TXNRD2: variants seen among roughly 807,000 people sequenced by gnomAD.
The protein encoded by TXNRD2 is thioredoxin reductase 2.
In TXNRD2, 67 loss-of-function variants were observed where a neutral mutation model predicts 70.8. That is an observed-to-expected ratio of 0.95 (90% CI 0.78 to 1.16). TXNRD2 has a LOEUF of 1.16. Among genes scored for constraint, TXNRD2 ranks in the 50% most tolerant of loss-of-function variants. The pLI is 0.00. For missense variants in TXNRD2, 644 were observed against 719.9 expected (o/e 0.89, Z 1.21); for synonymous variants, 301 against 295.8 (o/e 1.02, Z -0.18).
At chr22:19,940,837 C>T (rs971390288) in intron 1 of TXNRD2, among the ~76,000 whole-genome samples, 6 of 152,136 alleles carry the variant, frequency 3.9e-5, no homozygotes, top group Non-Finnish European at 7.4e-5. Context: ...TTGGGCCACC[C>T]TCCGTCCTGG....
At chr22:19,898,315 A>C (rs1393766371) in intron 9 of TXNRD2, among the ~76,000 whole-genome samples, 185 bp from the exon 10 acceptor site, 1 of 152,196 alleles carries the variant, frequency 6.6e-6, no homozygotes, top group Non-Finnish European at 1.5e-5. Flanking sequence ...GGAGCCGCCA[A>C]GCAGCACCCA....
At chr22:19,908,507 C>T (rs1442824788) in intron 8 of TXNRD2, among the ~76,000 whole-genome samples, 1 of 152,026 alleles carries the variant, frequency 6.6e-6, no homozygotes. Context: ...CATGCACTGG[C>T]GAGGATGTGG....
chr22:19,898,854 G>C (rs181854433), intron 9 of TXNRD2, among the ~76,000 whole-genome samples, 195 bp downstream of exon 9: 105 of 152,328 alleles, frequency 6.9e-4, no homozygotes, highest in African/African-American at 2.5e-3. Flanking sequence ...AGCTCAGGAA[G>C]AGCCTCCAGG....
chr22:19,941,109 C>T (rs138696259), intron 1 of TXNRD2, among the ~76,000 whole-genome samples: 13 of 152,184 alleles, frequency 8.5e-5, no homozygotes. Flanking sequence ...TGGAATGAAA[C>T]TGGCCACACA....
rs1235187861 is a variant in TXNRD2 at position 19,915,783 on chromosome 22, A to C, written c.510T>G (p.Val170=). ...TGCTCACCTCTTTCCCACCTTTGGC[A>C]ACGCCGCAAACCGTGTGCTCGTCAA... ...SFVDEHTVCG[V]AKGGKEILLS... Residue 170 remains valine (V), a synonymous_variant, in exon 6 of 18, where the codon GTT becomes GTG. Coordinates refer to ENST00000400521, the MANE Select transcript of TXNRD2 (RefSeq NM_006440.5). The C allele has an allele frequency of 6.2e-7, 1 of 1,614,112 alleles. No homozygotes were observed. Among genetic ancestry groups the C allele is most frequent in the Non-Finnish European group, 8.5e-7 (1 of 1,180,050 alleles).
chr22:19,939,662 A>G (rs1941636132), intron 1 of TXNRD2, among the ~76,000 whole-genome samples: 1 of 152,130 alleles, frequency 6.6e-6, no homozygotes, highest in Non-Finnish European at 1.5e-5. Context: ...TAATGTTACT[A>G]TGGGTTATAA....
intron 2 of TXNRD2, among the ~76,000 whole-genome samples, chr22:19,919,811 T>C (rs574186976): frequency 2.7e-4 from 41 of 152,324 alleles, no homozygotes; most frequent in Non-Finnish European, 5.9e-4. Flanking sequence ...GGCTCTGCAT[T>C]GAGTCTTCCA....
At chr22:19,932,524 G>A in intron 1 of TXNRD2, 1 of 1,546,540 alleles carries the variant, frequency 6.5e-7, no homozygotes, top group South Asian at 1.2e-5. Context: ...GTAGAGAGGG[G>A]AAGTACACTG....
chr22:19,878,181 A>C lies in TXNRD2; in HGVS notation c.1354T>G (p.Cys452Gly). ...DASQCYVKMV[C>G]LREPPQLVLG... ...ACCAGCTGTGGGGGCTCCCTCAGGC[A>C]CACCATCTGAAAGCCGCACATCTCA... is the stretch of plus-strand genomic sequence containing the variant. The change falls in exon 16 of 18, where the codon TGC becomes GGC. Residue 452 changes from cysteine to glycine, a missense_variant. Around this residue, in one of 3 missense-constraint regions of TXNRD2, gnomAD observed 566 missense variants for 645.0 expected, o/e 0.88. Transcript: ENST00000400521. The C allele has an allele frequency of 6.2e-7, 1 of 1,613,142 alleles. No homozygotes were observed. The highest frequency in any genetic ancestry group is 8.5e-7 in the Non-Finnish European group (1 of 1,179,982).
intron 8 of TXNRD2, chr22:19,902,837 A>T (rs1364757689): frequency 2.3e-6 from 1 of 432,848 alleles, no homozygotes; most frequent in Non-Finnish European, 4.6e-6. Context: ...GTGCCACTTA[A>T]ATTAAATTTT....
rs200063300 is a variant in TXNRD2, at chr22:19,878,128, G to T, written c.1407C>A (p.Asn469Lys). 2.2e-4 allele frequency: 362 copies of T among 1,613,512 alleles called. 1 individual carries two copies. In the Middle Eastern group the frequency reaches 5.8e-3, roughly 26 times the overall value. ...LVLGLHFLGPNAGEVTQGFAL... is the reference protein window; with the variant it reads ...LVLGLHFLGPKAGEVTQGFAL... ...CAAATCCTTGAGTAACTTCGCCTGC[G>T]TTGGGGCCAAGGAAATGCAGGCCCA... Residue 469 changes from asparagine (N) to lysine (K), a missense_variant, in exon 16 of 18, where the codon AAC (asparagine) becomes AAA (lysine). Around this residue, in one of 3 missense-constraint regions of TXNRD2, gnomAD observed 566 missense variants for 645.0 expected, o/e 0.88. Coordinates refer to ENST00000400521, the MANE Select transcript of TXNRD2 (RefSeq NM_006440.5).
At chr22:19,897,009 C>T (rs889347057) in intron 10 of TXNRD2, among the ~76,000 whole-genome samples, 5 of 152,192 alleles carry the variant, frequency 3.3e-5, no homozygotes, top group Admixed American at 2.6e-4. Context: ...GGGCACGGCC[C>T]CCATTCTGCA....
At chr22:19,876,868 G>A in intron 17 of TXNRD2, 172 bp downstream of exon 17, 1 of 456,340 alleles carries the variant, frequency 2.2e-6, no homozygotes. Context: ...GGGCCCCTGG[G>A]AACTTCCCCT....
intron 8 of TXNRD2, among the ~76,000 whole-genome samples, chr22:19,906,873 CAGTG>C: frequency 7.3e-6 from 1 of 136,954 alleles, no homozygotes; most frequent in Admixed American, 7.7e-5. Context: ...CCGTGGGTAG[CAGTG>C]ACCGCTCTCA....
At chr22:19,907,259 G>A (rs1164401514) in intron 8 of TXNRD2, among the ~76,000 whole-genome samples, 2 of 58,078 alleles carry the variant, frequency 3.4e-5, no homozygotes, top group African/African-American at 7.1e-5. Context: ...TGTGGGCGCC[G>A]TGGGTAGCAG....
At chr22:19,941,607 C>T (rs1941717305) in intron 1 of TXNRD2, 94 bp downstream of exon 1, 1 of 1,350,868 alleles carries the variant, frequency 7.4e-7, no homozygotes, top group Non-Finnish European at 9.4e-7. Context: ...GGCACCCCCA[C>T]GGGGACACCC....
intron 5 of TXNRD2, chr22:19,916,307 GA>G (rs1213843328): frequency 1.1e-5 from 2 of 189,448 alleles, no homozygotes; most frequent in Non-Finnish European, 2.2e-5. Context: ...ATAGTGCACA[GA>G]AACAAATGAC....
chr22:19,894,874 G>A (rs576150125), intron 11 of TXNRD2: 67 of 691,802 alleles, frequency 9.7e-5, no homozygotes, highest in Middle Eastern at 1.0e-3. Context: ...TGTAGCCCCA[G>A]CTACCCAGGA....
chr22:19,881,921 G>A (rs1475679182), intron 12 of TXNRD2, among the ~76,000 whole-genome samples: 2 of 152,222 alleles, frequency 1.3e-5, no homozygotes, highest in Non-Finnish European at 2.9e-5. Context: ...GGCCCTACAG[G>A]ACCCTGCAGG....
Sources: allele counts gnomAD v4.1 joint callset (sites outside exome capture counted in the v4.1 genomes callset), GRCh38; gene constraint gnomAD v4.1.1; regional missense constraint gnomAD v4.1.1; transcripts MANE v1.5; gene names NCBI Gene and HGNC (gene_info 2026-07-23, HGNC 2026-07-21).